The following PPARGC1A variants were observed in gnomAD, a reference collection of about 807,000 sequenced individuals.
The protein encoded by PPARGC1A is PPARG coactivator 1 alpha.
A neutral mutation model predicts 88.7 loss-of-function variants in PPARGC1A; 25 were observed. That is an observed-to-expected ratio of 0.28 (90% confidence interval 0.21 to 0.39). PPARGC1A has a LOEUF of 0.39. Ranked by LOEUF, PPARGC1A falls within the 10% of genes least tolerant of loss-of-function variation. PPARGC1A has a pLI of 1.00. For synonymous variants in PPARGC1A, 363 were observed against 355.6 expected (o/e 1.02, Z -0.24); for missense variants, 880 against 968.7 (o/e 0.91, Z 1.22).
At chr4:24,224,867 T>G in the PPARGC1A span, among the ~76,000 whole-genome samples, 1 of 152,162 alleles carries the variant, frequency 6.6e-6, no homozygotes. Flanking sequence ...GAAAAGGTGA[T>G]GTTTGTGAAA....
chr4:24,314,392 C>T, the PPARGC1A span, among the ~76,000 whole-genome samples: 3 of 152,148 alleles, frequency 2.0e-5, no homozygotes, highest in African/African-American at 7.2e-5. Flanking sequence ...CTGGAGGGAA[C>T]TAACTTAGTC....
At chr4:23,976,038 T>C in the PPARGC1A span, among the ~76,000 whole-genome samples, 3 of 152,308 alleles carry the variant, frequency 2.0e-5, no homozygotes, top group East Asian at 1.9e-4. Context: ...ACAATAATGA[T>C]AGTCCTTTAT....
the PPARGC1A span, among the ~76,000 whole-genome samples, chr4:24,220,766 A>G: frequency 4.9e-4 from 75 of 152,320 alleles, 1 homozygote; most frequent in African/African-American, 1.8e-3. Flanking sequence ...TACCTATTGG[A>G]TATTATGTTT....
At chr4:24,443,866 C>CT in the PPARGC1A span, among the ~76,000 whole-genome samples, 1 of 151,792 alleles carries the variant, frequency 6.6e-6, no homozygotes, top group Non-Finnish European at 1.5e-5. Flanking sequence ...CACCAGAGGG[C>CT]TTTTAAACAA....
At chr4:23,876,465 T>C (rs949489896) in intron 2 of PPARGC1A, among the ~76,000 whole-genome samples, 9 of 152,330 alleles carry the variant, frequency 5.9e-5, no homozygotes, top group African/African-American at 1.9e-4. Flanking sequence ...TCTGAGGCTT[T>C]CCTTCAAAGT....
chr4:23,906,378 C>T (rs1173147278), upstream of PPARGC1A, among the ~76,000 whole-genome samples: 4 of 151,714 alleles, frequency 2.6e-5, no homozygotes, highest in Non-Finnish European at 4.4e-5. Context: ...TTTGTGAGGT[C>T]TTGGTGGGAG....
chr4:23,981,509 G>T, the PPARGC1A span, among the ~76,000 whole-genome samples: 28 of 152,152 alleles, frequency 1.8e-4, no homozygotes, highest in East Asian at 5.1e-3. Context: ...GGGAAATTAG[G>T]TGTGGGCTGG....
the PPARGC1A span, among the ~76,000 whole-genome samples, chr4:24,176,524 A>AG: frequency 6.6e-6 from 1 of 152,144 alleles, no homozygotes; most frequent in Non-Finnish European, 1.5e-5. Context: ...GACAATAGGA[A>AG]GGGATATTAA....
At chr4:24,337,656 AC>A in the PPARGC1A span, among the ~76,000 whole-genome samples, 1 of 149,664 alleles carries the variant, frequency 6.7e-6, no homozygotes, top group East Asian at 2.0e-4. Context: ...CCCTCAGAAC[AC>A]CTCCACTAAG....
At chr4:24,413,753 C>T in the PPARGC1A span, among the ~76,000 whole-genome samples, 1 of 152,032 alleles carries the variant, frequency 6.6e-6, no homozygotes, top group African/African-American at 2.4e-5. Context: ...CTGAGAAGAC[C>T]CTGATATTTT....
the PPARGC1A span, among the ~76,000 whole-genome samples, chr4:24,048,655 G>A: frequency 6.6e-6 from 1 of 152,136 alleles, no homozygotes; most frequent in Non-Finnish European, 1.5e-5. Context: ...TAGTTCCTGT[G>A]AGAATCATGT....
the PPARGC1A span, among the ~76,000 whole-genome samples, chr4:24,035,182 T>C: frequency 6.6e-6 from 1 of 152,168 alleles, no homozygotes; most frequent in Non-Finnish European, 1.5e-5. Flanking sequence ...AGTATGTGTT[T>C]ATAGCCCATA....
At chr4:23,877,360 C>CAAAAAAAAA (rs551447166) in intron 2 of PPARGC1A, among the ~76,000 whole-genome samples, 5 of 62,818 alleles carry the variant, frequency 8.0e-5, no homozygotes, top group Admixed American at 4.0e-4. Context: ...ACTAAAAATA[C>CAAAAAAAAA]AAAAAAAAAA....
At chr4:24,177,565 A>G in the PPARGC1A span, among the ~76,000 whole-genome samples, 1 of 151,766 alleles carries the variant, frequency 6.6e-6, no homozygotes, top group Non-Finnish European at 1.5e-5. Flanking sequence ...ATGTATACAT[A>G]TGTAGTAACT....
At chr4:24,312,966 G>C in the PPARGC1A span, among the ~76,000 whole-genome samples, 1 of 151,906 alleles carries the variant, frequency 6.6e-6, no homozygotes, top group Non-Finnish European at 1.5e-5. Flanking sequence ...TGAGACCAAA[G>C]AAAAAGGATA....
At chr4:24,140,480 T>C in the PPARGC1A span, among the ~76,000 whole-genome samples, 1 of 152,062 alleles carries the variant, frequency 6.6e-6, no homozygotes, top group South Asian at 2.1e-4. Context: ...TTTCTGAAAA[T>C]AGCACTCTCT....
At chr4:23,996,970 T>C in the PPARGC1A span, among the ~76,000 whole-genome samples, 44 of 152,332 alleles carry the variant, frequency 2.9e-4, no homozygotes, top group Admixed American at 2.8e-3. Flanking sequence ...AGTTTGGTGT[T>C]CATTAAGACT....
At chr4:24,261,235 A>G in the PPARGC1A span, among the ~76,000 whole-genome samples, 2 of 152,150 alleles carry the variant, frequency 1.3e-5, no homozygotes, top group Non-Finnish European at 2.9e-5. Context: ...AAAAATGCCA[A>G]TGCCAGGCAA....
chr4:23,849,577 A>G (rs528891426), intron 2 of PPARGC1A, among the ~76,000 whole-genome samples: 1 of 152,306 alleles, frequency 6.6e-6, no homozygotes, highest in African/African-American at 2.4e-5. Flanking sequence ...AGAAAAGTTT[A>G]TTGTGTTTGA....
Sources: allele counts gnomAD v4.1 joint callset (sites outside exome capture counted in the v4.1 genomes callset), GRCh38; gene constraint gnomAD v4.1.1; transcripts MANE v1.5; gene names NCBI Gene and HGNC (gene_info 2026-07-23, HGNC 2026-07-21).